RNGTT: variants seen among roughly 807,000 people sequenced by gnomAD.
RNGTT encodes mRNA-capping enzyme.
In RNGTT, 33 loss-of-function variants were observed where a neutral mutation model predicts 79.3. That is an observed-to-expected ratio of 0.42 (90% CI 0.32 to 0.56). The LOEUF is 0.56. RNGTT is among the 20% of genes least tolerant of loss of function. The probability of loss-of-function intolerance (pLI) is 0.17; values close to 1 mark genes in which losing one functional copy is unlikely to be tolerated. For missense variants in RNGTT, 497 were observed against 739.1 expected (o/e 0.67, Z 3.80); for synonymous variants, 222 against 235.9 (o/e 0.94, Z 0.54).
At chr6:88,911,106 C>T in intron 4 of RNGTT, among the ~76,000 whole-genome samples, 1 of 152,080 alleles carries the variant, frequency 6.6e-6, no homozygotes, top group South Asian at 2.1e-4. Context: ...CCAACAGCAC[C>T]ACCGCAGGAA....
chr6:88,737,515 T>C (rs1290346790), intron 13 of RNGTT, among the ~76,000 whole-genome samples: 1 of 152,170 alleles, frequency 6.6e-6, no homozygotes, highest in East Asian at 1.9e-4. Flanking sequence ...CCCAAATTCA[T>C]ATGTTGAAGC....
chr6:88,871,844 C>A (rs945304852), intron 8 of RNGTT, among the ~76,000 whole-genome samples: 1 of 152,130 alleles, frequency 6.6e-6, no homozygotes, highest in Admixed American at 6.5e-5. Context: ...GAGAGTAAAA[C>A]TATCATAAAT....
chr6:88,757,642 G>A (rs1364560689), intron 13 of RNGTT, among the ~76,000 whole-genome samples: 2 of 152,136 alleles, frequency 1.3e-5, no homozygotes, highest in African/African-American at 4.8e-5. Context: ...AACATATGAT[G>A]TTATAGACAA....
chr6:88,707,971 A>G (rs1776194370), intron 13 of RNGTT, among the ~76,000 whole-genome samples: 1 of 151,974 alleles, frequency 6.6e-6, no homozygotes, highest in Non-Finnish European at 1.5e-5. Flanking sequence ...TCAAGATCTA[A>G]GTAGACAAGC....
intron 8 of RNGTT, among the ~76,000 whole-genome samples, chr6:88,875,112 T>C (rs981353374): frequency 6.6e-6 from 1 of 152,116 alleles, no homozygotes; most frequent in Non-Finnish European, 1.5e-5. Flanking sequence ...GCAGTAAATA[T>C]TGTCTGCAAA....
At chr6:88,674,168 G>A (rs1255868943) in intron 14 of RNGTT, among the ~76,000 whole-genome samples, 3 of 152,184 alleles carry the variant, frequency 2.0e-5, no homozygotes, top group African/African-American at 2.4e-5. Context: ...TTTAGAGAAC[G>A]TTTAGATTTA....
chr6:88,676,408 T>C (rs1379646510), intron 14 of RNGTT, among the ~76,000 whole-genome samples: 16 of 152,244 alleles, frequency 1.1e-4, no homozygotes, highest in South Asian at 2.1e-4. Flanking sequence ...CATCAATCCA[T>C]ACTTGACTCT....
At chr6:88,784,312 G>A (rs1456885020) in intron 12 of RNGTT, among the ~76,000 whole-genome samples, 1 of 151,926 alleles carries the variant, frequency 6.6e-6, no homozygotes, top group African/African-American at 2.4e-5. Flanking sequence ...CTGTCTTCAT[G>A]GTACTTACAA....
chr6:88,827,027 C>T (rs563962462), intron 11 of RNGTT, among the ~76,000 whole-genome samples: 5 of 151,850 alleles, frequency 3.3e-5, no homozygotes, highest in Non-Finnish European at 7.4e-5. Flanking sequence ...CCTACTAAGT[C>T]AGACAATGCC....
intron 13 of RNGTT, among the ~76,000 whole-genome samples, chr6:88,748,504 A>C (rs1777738898): frequency 6.6e-6 from 1 of 151,496 alleles, no homozygotes; most frequent in African/African-American, 2.4e-5. Flanking sequence ...TTAATTTGTC[A>C]CTCCTCCCCT....
chr6:88,836,990 C>T (rs553894125), intron 11 of RNGTT, among the ~76,000 whole-genome samples: 30 of 152,114 alleles, frequency 2.0e-4, no homozygotes, highest in Non-Finnish European at 2.9e-4. Flanking sequence ...CCAATTTTCA[C>T]ATAGGAAGTG....
At chr6:88,874,163 A>C (rs1003368252) in intron 8 of RNGTT, among the ~76,000 whole-genome samples, 1 of 152,126 alleles carries the variant, frequency 6.6e-6, no homozygotes, top group Admixed American at 6.5e-5. Flanking sequence ...ATTACCATTT[A>C]TGTAACAGGT....
chr6:88,824,247 G>A (rs372917794), intron 11 of RNGTT, among the ~76,000 whole-genome samples: 2 of 152,108 alleles, frequency 1.3e-5, no homozygotes, highest in African/African-American at 4.8e-5. Context: ...CTATACACTA[G>A]GCTATACAAT....
At chr6:88,931,413 T>C (rs970886699) in intron 2 of RNGTT, among the ~76,000 whole-genome samples, 5 of 152,056 alleles carry the variant, frequency 3.3e-5, no homozygotes, top group Non-Finnish European at 7.4e-5. Context: ...GTGGAACCTG[T>C]GTGGTATGTG....
intron 8 of RNGTT, among the ~76,000 whole-genome samples, chr6:88,874,352 AAAC>A (rs1450049775): frequency 6.6e-6 from 1 of 152,108 alleles, no homozygotes; most frequent in Non-Finnish European, 1.5e-5. Context: ...AGAGGCATGT[AAAC>A]AACATTTTAA....
At chr6:88,921,528 T>G (rs759675615) in intron 4 of RNGTT, among the ~76,000 whole-genome samples, 1 of 152,126 alleles carries the variant, frequency 6.6e-6, no homozygotes, top group Non-Finnish European at 1.5e-5. Flanking sequence ...GTCCCTTATC[T>G]GAAACCCTTA....
intron 14 of RNGTT, among the ~76,000 whole-genome samples, chr6:88,632,504 C>T (rs896709650): frequency 5.3e-5 from 8 of 150,596 alleles, no homozygotes; most frequent in African/African-American, 2.0e-4. Context: ...GCAAGAAAAA[C>T]AGTTTATATA....
chr6:88,678,409 G>A lies in RNGTT; in HGVS notation c.1450C>T (p.Gln484Ter). Reference protein sequence around the residue: ...TRMGGEGLLPQNVGLLYVGGY... With the variant: ...TRMGGEGLLP ...CCAACATACAGGAGGCCAACATTCT[G>A]AGGAAGTAACCTACAAAGAAAAAAA... The change falls in exon 14 of 16, where the codon CAG becomes TAG. Residue 484 changes from glutamine (Q) to a stop codon, truncating the protein, a stop_gained. Coordinates refer to ENST00000369485, the MANE Select transcript of RNGTT (RefSeq NM_003800.5). LOFTEE classifies it high-confidence loss of function. 7.0e-7 allele frequency: 1 copy of A among 1,423,470 alleles called. No homozygotes were observed. Among genetic ancestry groups the A allele is most frequent in the South Asian group, 1.8e-5 (1 of 55,268 alleles). 88.2% of individuals were successfully genotyped at this position (1,423,470 alleles called of 1,614,324 possible).
Position 88,963,493 on chromosome 6 carries a change from G to C in RNGTT, c.-84C>G, listed in dbSNP as rs553064825. 2 of 1,341,666 alleles carry C rather than the reference G, an allele frequency of 1.5e-6. No individual in the cohort carries two copies. Among genetic ancestry groups the C allele is most frequent in the African/African-American group, 1.5e-5 (1 of 66,544 alleles). The allele number at this position is 1,341,666 out of a possible 1,614,324, so 83.1% of individuals were successfully genotyped here. A position where few individuals can be genotyped will look rare whatever the true frequency, so the allele number is the denominator to read the frequency against. ...GCCTCCCCGTGGTCCGGTGCACACC[G>C]GGGTCCGAGACACCCGAATCGCAGC... is the stretch of plus-strand genomic sequence containing the variant. On this transcript the variant is annotated 5_prime_UTR_variant, in exon 1 of 16. Coordinates refer to ENST00000369485, the MANE Select transcript of RNGTT (RefSeq NM_003800.5).
Sources: gnomAD v4.1 joint callset for allele counts (sites outside exome capture counted in the v4.1 genomes callset) on GRCh38, gnomAD v4.1.1 for gene constraint, MANE v1.5 for transcripts, NCBI Gene and HGNC (gene_info 2026-07-23, HGNC 2026-07-21) for gene names.